CADM2: variants seen among roughly 807,000 people sequenced by gnomAD.
CADM2 encodes cell adhesion molecule 2, also known as immunoglobulin superfamily member 4D.
A neutral mutation model predicts 49.8 loss-of-function variants in CADM2; 12 were observed. The ratio of observed to expected loss-of-function variants is 0.24; its 90% CI spans 0.15 to 0.39. The LOEUF (loss-of-function observed/expected upper bound fraction) is 0.39. CADM2 is among the 10% of genes least tolerant of loss of function. The pLI, the probability that CADM2 is intolerant of heterozygous loss-of-function variation, is 1.00. For missense variants in CADM2, 378 were observed against 492.3 expected, an observed-to-expected ratio of 0.77 and a Z score of 2.20; for synonymous variants, 214 against 175.4, an observed-to-expected ratio of 1.22 and a Z score of -1.74.
chr3:85,896,742 G>A (rs1442591109), intron 5 of CADM2, among the ~76,000 whole-genome samples: 1 of 152,182 alleles, frequency 6.6e-6, no homozygotes, highest in Admixed American at 6.5e-5. Flanking sequence ...GTCAATCAAA[G>A]ATAATGCAGC....
chr3:84,996,744 A>G (rs2033198868), intron 1 of CADM2, among the ~76,000 whole-genome samples: 1 of 152,118 alleles, frequency 6.6e-6, no homozygotes, highest in African/African-American at 2.4e-5. Flanking sequence ...ATTTTCTTCT[A>G]AGTTAATTAG....
intron 1 of CADM2, among the ~76,000 whole-genome samples, chr3:85,127,830 G>T (rs778951511): frequency 6.6e-6 from 1 of 151,944 alleles, no homozygotes; most frequent in Non-Finnish European, 1.5e-5. Flanking sequence ...ATGATGCATT[G>T]GTCATAATTG....
intron 1 of CADM2, among the ~76,000 whole-genome samples, chr3:85,091,837 T>A (rs925336532): frequency 1.3e-5 from 2 of 152,134 alleles, no homozygotes; most frequent in African/African-American, 4.8e-5. Flanking sequence ...AAAATATGGT[T>A]ATAGTGCTTA....
At chr3:85,161,096 T>G (rs2040308405) in intron 1 of CADM2, among the ~76,000 whole-genome samples, 2 of 152,210 alleles carry the variant, frequency 1.3e-5, no homozygotes, top group African/African-American at 4.8e-5. Context: ...ATTATATAAA[T>G]TGTGCCTTCC....
chr3:85,220,169 G>A (rs1032716793), intron 1 of CADM2, among the ~76,000 whole-genome samples: 7 of 150,928 alleles, frequency 4.6e-5, no homozygotes, highest in Non-Finnish European at 8.8e-5. Flanking sequence ...CTAGATTTTT[G>A]TTGTTGTTGT....
intron 1 of CADM2, among the ~76,000 whole-genome samples, chr3:85,098,828 C>T (rs564955266): frequency 3.9e-5 from 6 of 152,224 alleles, no homozygotes; most frequent in African/African-American, 1.2e-4. Flanking sequence ...AAAACAAATC[C>T]GCGTATAAGT....
chr3:85,850,153 A>T (rs919017906), intron 3 of CADM2, among the ~76,000 whole-genome samples: 1 of 152,172 alleles, frequency 6.6e-6, no homozygotes, highest in South Asian at 2.1e-4. Flanking sequence ...TTGTGGCTGG[A>T]AACTATAGGT....
intron 1 of CADM2, among the ~76,000 whole-genome samples, chr3:85,344,219 C>CAAA (rs544073309): frequency 1.4e-5 from 2 of 141,116 alleles, no homozygotes; most frequent in African/African-American, 5.1e-5. Context: ...ACTAAAAATA[C>CAAA]AAAAAAAAAA....
At chr3:85,464,922 G>A (rs1167816733) in intron 1 of CADM2, among the ~76,000 whole-genome samples, 1 of 152,088 alleles carries the variant, frequency 6.6e-6, no homozygotes, top group Admixed American at 6.5e-5. Context: ...GGCCGAGGTG[G>A]GTGGATCACA....
At position 85,516,914 on chromosome 3, in the gene CADM2, T is replaced by C. The variant is rs549561565; in HGVS notation, c.62-209608T>C. 1.9e-3 allele frequency among the ~76,000 whole-genome samples: 286 copies of C among 152,188 alleles called. 1 individual carries two copies. The highest frequency in any genetic ancestry group is 6.7e-3 in the African/African-American group (280 of 41,578). On this transcript the variant is annotated intron_variant, in intron 1 of 9. Coordinates refer to ENST00000383699, the MANE Select transcript of CADM2 (RefSeq NM_001167675.2). ...ATACCATTTACAGTTTATATTTTACTCAAATCCTTTTCACTTCCTTAATTT... is the reference window on the plus strand; with the variant it reads ...ATACCATTTACAGTTTATATTTTACCCAAATCCTTTTCACTTCCTTAATTT...
intron 3 of CADM2, among the ~76,000 whole-genome samples, chr3:85,870,312 T>C (rs1041089308): frequency 2.0e-5 from 3 of 152,098 alleles, no homozygotes; most frequent in Non-Finnish European, 2.9e-5. Flanking sequence ...ATGGGTATAC[T>C]TGTGTCATGG....
chr3:85,443,296 G>A (rs1340329906), intron 1 of CADM2, among the ~76,000 whole-genome samples: 3 of 152,050 alleles, frequency 2.0e-5, no homozygotes, highest in Non-Finnish European at 2.9e-5. Flanking sequence ...AACATACTTT[G>A]CTGAATTGAT....
chr3:86,051,114 A>G (rs151055473), intron 8 of CADM2, among the ~76,000 whole-genome samples: 1 of 152,290 alleles, frequency 6.6e-6, no homozygotes, highest in Admixed American at 6.5e-5. Flanking sequence ...GCTTACACAT[A>G]TGAGATAGGA....
At position 85,432,043 on chromosome 3, in the gene CADM2, T is replaced by C. The variant is rs546615902; in HGVS notation, c.62-294479T>C. Reference sequence around the variant, plus strand: ...ATGGAAATAAAACAGTGCCTAAAAGTGGCTTTCCTGAAATTGGGAGAACAG... The same window carrying C: ...ATGGAAATAAAACAGTGCCTAAAAGCGGCTTTCCTGAAATTGGGAGAACAG... On this transcript the variant is annotated intron_variant, in intron 1 of 9. Transcript: ENST00000383699. Among the ~76,000 whole-genome samples, 9 of 148,978 alleles carry C rather than the reference T, an allele frequency of 6.0e-5. No individual in the cohort carries two copies. In the South Asian group the frequency reaches 1.1e-3, roughly 18 times the overall value.
At chr3:85,686,975 T>C (rs2066236289) in intron 1 of CADM2, among the ~76,000 whole-genome samples, 2 of 152,176 alleles carry the variant, frequency 1.3e-5, no homozygotes, top group Non-Finnish European at 2.9e-5. Flanking sequence ...CTGACCACCT[T>C]GGGCACATGT....
At chr3:85,497,828 C>CTATT (rs2039965506) in intron 1 of CADM2, among the ~76,000 whole-genome samples, 1 of 151,970 alleles carries the variant, frequency 6.6e-6, no homozygotes, top group Non-Finnish European at 1.5e-5. Context: ...ATCTGTCTAT[C>CTATT]TATTTATCTA....
chr3:85,927,874 C>T (rs1720080219), intron 6 of CADM2, among the ~76,000 whole-genome samples: 1 of 152,016 alleles, frequency 6.6e-6, no homozygotes, highest in African/African-American at 2.4e-5. Flanking sequence ...TAACTCAAAG[C>T]TTCTTTTTAT....
intron 3 of CADM2, among the ~76,000 whole-genome samples, chr3:85,847,942 CTTAA>C (rs1166636562): frequency 6.6e-5 from 10 of 152,084 alleles, no homozygotes; most frequent in Admixed American, 5.9e-4. Context: ...TCTTATGTTA[CTTAA>C]TTTATTAGTT....
intron 1 of CADM2, among the ~76,000 whole-genome samples, chr3:85,590,322 A>G (rs1478853570): frequency 6.6e-6 from 1 of 152,102 alleles, no homozygotes; most frequent in East Asian, 1.9e-4. Flanking sequence ...CCAGAAGTGA[A>G]GTTTGGGGGC....
Sources: allele counts gnomAD v4.1 joint callset (sites outside exome capture counted in the v4.1 genomes callset), GRCh38; gene constraint gnomAD v4.1.1; transcripts MANE v1.5; gene names NCBI Gene and HGNC (gene_info 2026-07-23, HGNC 2026-07-21).